Variants in MAPKAP1 observed in about 807,000 individuals in gnomAD.
MAPKAP1 encodes the protein MAPK associated protein 1.
MAPKAP1 carries 20 observed loss-of-function variants against 65.7 expected under a neutral mutation model. That is an observed-to-expected ratio of 0.30 (90% CI 0.21 to 0.44). MAPKAP1 has a LOEUF of 0.44. Among genes scored for constraint, MAPKAP1 ranks in the 20% least tolerant of loss-of-function variants. The pLI is 1.00. For synonymous variants in MAPKAP1, 222 were observed against 244.3 expected (o/e 0.91, Z 0.85); for missense variants, 423 against 648.0 (o/e 0.65, Z 3.77).
At chr9:125,613,633 C>T (rs1832664699) in intron 4 of MAPKAP1, among the ~76,000 whole-genome samples, 1 of 152,122 alleles carries the variant, frequency 6.6e-6, no homozygotes, top group Non-Finnish European at 1.5e-5. Context: ...AAAACACTCC[C>T]TAATACATTT....
At chr9:125,539,548 G>T (rs1356144982) in intron 7 of MAPKAP1, among the ~76,000 whole-genome samples, 1 of 152,202 alleles carries the variant, frequency 6.6e-6, no homozygotes, top group Non-Finnish European at 1.5e-5. Flanking sequence ...GGCTAGGAAG[G>T]GCTGATGGTT....
At chr9:125,580,267 C>G (rs1161082992) in intron 5 of MAPKAP1, among the ~76,000 whole-genome samples, 2 of 152,138 alleles carry the variant, frequency 1.3e-5, no homozygotes, top group African/African-American at 4.8e-5. Flanking sequence ...TTCACAATAG[C>G]AAAGACTTGG....
intron 8 of MAPKAP1, among the ~76,000 whole-genome samples, chr9:125,491,915 G>T (rs1164812029): frequency 6.6e-6 from 1 of 151,506 alleles, no homozygotes; most frequent in Non-Finnish European, 1.5e-5. Context: ...GCTTGGCCAG[G>T]TGCAGTGCCT....
chr9:125,677,789 A>C (rs1038781522), intron 1 of MAPKAP1, among the ~76,000 whole-genome samples: 37 of 152,170 alleles, frequency 2.4e-4, no homozygotes, highest in African/African-American at 8.9e-4. Context: ...CCCACTTTTC[A>C]CAGCTTCTTT....
chr9:125,578,000 G>T (rs1468069331), intron 5 of MAPKAP1, among the ~76,000 whole-genome samples: 1 of 151,986 alleles, frequency 6.6e-6, no homozygotes, highest in South Asian at 2.1e-4. Context: ...GGGGGGAAAG[G>T]TGGGGAAAAG....
At chr9:125,502,712 T>TA (rs1423498372) in intron 8 of MAPKAP1, among the ~76,000 whole-genome samples, 3 of 152,230 alleles carry the variant, frequency 2.0e-5, no homozygotes, top group African/African-American at 7.2e-5. Flanking sequence ...ATATGGTCAA[T>TA]ATTGGTAAAT....
chr9:125,524,121 C>A (rs990446175), intron 7 of MAPKAP1, among the ~76,000 whole-genome samples: 3 of 152,200 alleles, frequency 2.0e-5, no homozygotes, highest in African/African-American at 7.2e-5. Context: ...ATTTAGGTTG[C>A]CCTAAATACA....
chr9:125,591,004 C>T (rs867076007), intron 4 of MAPKAP1, among the ~76,000 whole-genome samples: 19 of 152,178 alleles, frequency 1.2e-4, no homozygotes, highest in African/African-American at 4.3e-4. Context: ...GAACTCCTGA[C>T]CTCAAGTGAT....
chr9:125,584,294 C>T (rs1436329953), intron 5 of MAPKAP1, among the ~76,000 whole-genome samples: 1 of 152,048 alleles, frequency 6.6e-6, no homozygotes, highest in Non-Finnish European at 1.5e-5. Flanking sequence ...AAGTGGAGGG[C>T]AATGTCAATA....
chr9:125,519,794 C>A (rs1430592004), intron 7 of MAPKAP1, among the ~76,000 whole-genome samples: 1 of 152,018 alleles, frequency 6.6e-6, no homozygotes, highest in African/African-American at 2.4e-5. Flanking sequence ...CCAGCCTCCT[C>A]ATGGATTCTA....
At chr9:125,641,303 TG>T (rs1488634571) in intron 4 of MAPKAP1, among the ~76,000 whole-genome samples, 5 of 152,330 alleles carry the variant, frequency 3.3e-5, no homozygotes, top group Middle Eastern at 3.4e-3. Flanking sequence ...AAGTAGTCAA[TG>T]GCTTTTCTTA....
chr9:125,594,347 A>G (rs1460211846), intron 4 of MAPKAP1, among the ~76,000 whole-genome samples: 1 of 152,166 alleles, frequency 6.6e-6, no homozygotes, highest in Non-Finnish European at 1.5e-5. Flanking sequence ...CCCTCATATC[A>G]TTACTGATGT....
chr9:125,462,716 A>G (rs1853544861), intron 10 of MAPKAP1, among the ~76,000 whole-genome samples: 1 of 152,252 alleles, frequency 6.6e-6, no homozygotes, highest in African/African-American at 2.4e-5. Context: ...CTATGGGTTA[A>G]TGAACCCATT....
chr9:125,562,858 C>T (rs971705138), intron 5 of MAPKAP1, among the ~76,000 whole-genome samples: 17 of 152,194 alleles, frequency 1.1e-4, no homozygotes, highest in African/African-American at 4.1e-4. Flanking sequence ...AGTGACAGGG[C>T]TGAGATTCAA....
intron 10 of MAPKAP1, among the ~76,000 whole-genome samples, chr9:125,450,901 C>T (rs1248995227): frequency 6.6e-6 from 1 of 152,222 alleles, no homozygotes; most frequent in Non-Finnish European, 1.5e-5. Context: ...CCGTAAGCAA[C>T]AGTTCTGGGC....
intron 10 of MAPKAP1, among the ~76,000 whole-genome samples, chr9:125,450,624 A>T (rs7035520): frequency 0.01 from 1,557 of 152,286 alleles, 34 homozygotes; most frequent in African/African-American, 0.035. Flanking sequence ...GGCTACAAAG[A>T]ACAGCTTTGA....
chr9:125,661,209 A>G (rs1207299547), intron 3 of MAPKAP1, among the ~76,000 whole-genome samples: 2 of 152,244 alleles, frequency 1.3e-5, no homozygotes, highest in Non-Finnish European at 2.9e-5. Context: ...CTCTGAGGAC[A>G]TAGACACTCT....
At chr9:125,627,581 T>G (rs965902951) in intron 4 of MAPKAP1, among the ~76,000 whole-genome samples, 1 of 152,056 alleles carries the variant, frequency 6.6e-6, no homozygotes, top group Non-Finnish European at 1.5e-5. Flanking sequence ...GCCAGCACAC[T>G]TCACCTAACT....
At chr9:125,630,954 G>A (rs891955430) in intron 4 of MAPKAP1, among the ~76,000 whole-genome samples, 1 of 152,082 alleles carries the variant, frequency 6.6e-6, no homozygotes, top group African/African-American at 2.4e-5. Flanking sequence ...AAAATTAGCT[G>A]GGCATGGTGG....
Sources: gnomAD v4.1 joint callset for allele counts (sites outside exome capture counted in the v4.1 genomes callset) on GRCh38, gnomAD v4.1.1 for gene constraint, MANE v1.5 for transcripts, NCBI Gene and HGNC (gene_info 2026-07-23, HGNC 2026-07-21) for gene names.